Variants in PTPRN2 observed in about 807,000 individuals in gnomAD.
PTPRN2 encodes the protein receptor-type tyrosine-protein phosphatase N2.
In PTPRN2, 74 loss-of-function variants were observed where a neutral mutation model predicts 118.8. That is an observed-to-expected ratio of 0.62 (90% CI 0.52 to 0.76). The LOEUF (loss-of-function observed/expected upper bound fraction) is 0.76, where lower values mean the gene tolerates loss of function less well. Among genes scored for constraint, PTPRN2 ranks in the 30% least tolerant of loss-of-function variants. The pLI is 0.00. For synonymous variants in PTPRN2, 641 were observed against 608.0 expected (o/e 1.05, Z -0.80); for missense variants, 1,481 against 1,394.4 (o/e 1.06, Z -0.99).
At position 158,117,825 on chromosome 7, in the gene PTPRN2, T is replaced by C. The variant is rs114441907; in HGVS notation, c.1557-6910A>G. On this transcript the variant is annotated intron_variant, in intron 9 of 22. Transcript: ENST00000389418. ...ACCAAGAATCCTATATCCAACAAAA[T>C]TGCACTTCAAAAGTGAAGAAGAAAT... Among the ~76,000 whole-genome samples, 314 of 151,634 alleles carry C rather than the reference T, an allele frequency of 2.1e-3. 1 individual carries two copies. The highest frequency in any genetic ancestry group is 7.2e-3 in the African/African-American group (296 of 41,356).
At chr7:157,680,449 G>A (rs1294504371) in intron 13 of PTPRN2, among the ~76,000 whole-genome samples, 2 of 152,198 alleles carry the variant, frequency 1.3e-5, no homozygotes, top group African/African-American at 2.4e-5. Flanking sequence ...GTGAGATATG[G>A]ATACGTTAAT....
intron 11 of PTPRN2, among the ~76,000 whole-genome samples, chr7:158,068,040 G>C (rs1045066458): frequency 5.9e-5 from 9 of 152,316 alleles, no homozygotes; most frequent in African/African-American, 2.2e-4. Flanking sequence ...TATGGGGAAA[G>C]GAGGGAGGAA....
intron 13 of PTPRN2, among the ~76,000 whole-genome samples, chr7:157,666,236 G>A (rs1796130849): frequency 6.6e-6 from 1 of 152,106 alleles, no homozygotes; most frequent in Non-Finnish European, 1.5e-5. Context: ...TGGAGATGGA[G>A]CTCACATCTT....
At chr7:158,201,946 C>T (rs1465215246) in intron 4 of PTPRN2, among the ~76,000 whole-genome samples, 2 of 152,164 alleles carry the variant, frequency 1.3e-5, no homozygotes, top group African/African-American at 2.4e-5. Flanking sequence ...GGCTGCATCA[C>T]GGGCTATGGC....
At chr7:158,522,850 C>T (rs1447629303) in intron 1 of PTPRN2, among the ~76,000 whole-genome samples, 1 of 152,180 alleles carries the variant, frequency 6.6e-6, no homozygotes, top group Non-Finnish European at 1.5e-5. Flanking sequence ...TCTTCATTTC[C>T]ACACACTTGC....
chr7:158,578,536 G>GA (rs1828460960), intron 1 of PTPRN2, among the ~76,000 whole-genome samples: 3 of 28,702 alleles, frequency 1.0e-4, no homozygotes, highest in African/African-American at 3.8e-4. Context: ...CCCTGTCTCT[G>GA]TAAAAAAAAA....
At chr7:157,679,284 G>A (rs990655678) in intron 13 of PTPRN2, among the ~76,000 whole-genome samples, 8 of 152,292 alleles carry the variant, frequency 5.3e-5, no homozygotes, top group African/African-American at 1.7e-4. Context: ...TTTGGTGCGA[G>A]TAGTCTGTTA....
At chr7:157,995,129 G>A (rs540289023) in intron 11 of PTPRN2, among the ~76,000 whole-genome samples, 19 of 142,214 alleles carry the variant, frequency 1.3e-4, no homozygotes, top group African/African-American at 5.2e-4. Flanking sequence ...AATCAACGCT[G>A]CGTCCCCAGC....
chr7:158,115,206 G>A (rs188204116), intron 9 of PTPRN2, among the ~76,000 whole-genome samples: 4 of 152,146 alleles, frequency 2.6e-5, no homozygotes, highest in South Asian at 4.2e-4. Flanking sequence ...AACAACAAAA[G>A]TTCCCTCCCC....
At chr7:158,312,966 A>G (rs1041288854) in intron 3 of PTPRN2, among the ~76,000 whole-genome samples, 39 of 149,644 alleles carry the variant, frequency 2.6e-4, no homozygotes, top group African/African-American at 9.1e-4. Context: ...GCGTGTGTGC[A>G]TGTCTACATG....
At chr7:157,976,377 C>G (rs1802748723) in intron 11 of PTPRN2, among the ~76,000 whole-genome samples, 1 of 152,180 alleles carries the variant, frequency 6.6e-6, no homozygotes, top group Non-Finnish European at 1.5e-5. Flanking sequence ...CCGGCTGGCA[C>G]TCTCCTCTGT....
intron 5 of PTPRN2, among the ~76,000 whole-genome samples, chr7:158,188,576 G>GCCGCCACGCTCGCCCCCTGAGGGGGAAGC (rs1825460170): frequency 8.8e-6 from 1 of 114,250 alleles, no homozygotes; most frequent in South Asian, 3.1e-4. Flanking sequence ...TATGGGGAAG[G>GCCGCCACGCTCGCCCCCTGAGGGGGAAGC]CCGCCACGCT....
chr7:157,556,246 C>T (rs113756941), intron 21 of PTPRN2, among the ~76,000 whole-genome samples: 52 of 152,136 alleles, frequency 3.4e-4, no homozygotes, highest in African/African-American at 1.2e-3. Context: ...CACCACACAA[C>T]ACTCACCCAC....
intron 4 of PTPRN2, among the ~76,000 whole-genome samples, chr7:158,202,394 G>A (rs145147871): frequency 1.2e-3 from 186 of 152,262 alleles, no homozygotes; most frequent in African/African-American, 4.4e-3. Context: ...GCAGGACTGG[G>A]GAGGCCTTTG....
intron 7 of PTPRN2, among the ~76,000 whole-genome samples, chr7:158,137,487 T>C (rs983200901): frequency 6.6e-6 from 1 of 152,184 alleles, no homozygotes; most frequent in Admixed American, 6.5e-5. Context: ...GCGTGACTCA[T>C]GGCACCTGAA....
Position 158,093,166 on chromosome 7 carries a change from C to T in PTPRN2, c.1644-11789G>A, listed in dbSNP as rs753077696. On this transcript the variant is annotated intron_variant, in intron 10 of 22. Transcript: ENST00000389418. This position sits in a 1 kb window ranked among gnomAD's most constrained non-coding sequence, Gnocchi z 4.4. ...TCTGCCGCTGGACCGACCCCCACAC[C>T]ATAGACCCACACGCAGGCCTGCACC... is the stretch of plus-strand genomic sequence containing the variant. Among the ~76,000 whole-genome samples the T allele has an allele frequency of 1.4e-3, 160 of 111,878 alleles. 1 individual carries two copies. Among genetic ancestry groups the T allele is most frequent in the African/African-American group, 4.9e-3 (136 of 27,572 alleles). 73.4% of individuals were successfully genotyped at this position (111,878 alleles called of 152,430 possible).
intron 21 of PTPRN2, among the ~76,000 whole-genome samples, chr7:157,568,243 GC>G (rs2150508193): frequency 6.6e-6 from 1 of 152,074 alleles, no homozygotes; most frequent in Admixed American, 6.5e-5. Context: ...GACTCCCCAC[GC>G]CGTCTGCGCA....
chr7:158,082,092 T>C (rs924318327), intron 10 of PTPRN2, among the ~76,000 whole-genome samples: 9 of 152,176 alleles, frequency 5.9e-5, no homozygotes, highest in Admixed American at 3.9e-4. Flanking sequence ...TAGCTCTTCC[T>C]GGAACAGACC....
intron 8 of PTPRN2, among the ~76,000 whole-genome samples, chr7:158,135,703 A>C (rs1818747514): frequency 6.6e-6 from 1 of 152,046 alleles, no homozygotes; most frequent in Non-Finnish European, 1.5e-5. Flanking sequence ...TCTCAGCCCC[A>C]CTTCTCCCTC....
Sources: allele counts gnomAD v4.1 joint callset (sites outside exome capture counted in the v4.1 genomes callset), GRCh38; gene constraint gnomAD v4.1.1; non-coding constraint Gnocchi (gnomAD v3.1); transcripts MANE v1.5; gene names NCBI Gene and HGNC (gene_info 2026-07-23, HGNC 2026-07-21).